PARP8: variants seen among roughly 807,000 people sequenced by gnomAD.
PARP8 encodes the protein poly(ADP-ribose) polymerase family member 8.
Under a neutral mutation model 124.1 loss-of-function variants are expected in PARP8, and 51 were observed. That is an observed-to-expected ratio of 0.41 (90% CI 0.33 to 0.52). The LOEUF (loss-of-function observed/expected upper bound fraction) is 0.52, where lower values mean the gene tolerates loss of function less well. PARP8 is among the 20% of genes least tolerant of loss of function. The pLI, the probability that PARP8 is intolerant of heterozygous loss-of-function variation, is 0.21. For synonymous variants in PARP8, 391 were observed against 361.5 expected (o/e 1.08, Z -0.93); for missense variants, 860 against 1,018.9 (o/e 0.84, Z 2.12).
At chr5:50,734,806 A>G (rs926446453) in intron 2 of PARP8, among the ~76,000 whole-genome samples, 3 of 152,082 alleles carry the variant, frequency 2.0e-5, no homozygotes, top group African/African-American at 7.2e-5. Flanking sequence ...ATTTTTCCTG[A>G]GTATTGGAGT....
At chr5:50,822,200 C>T in intron 16 of PARP8, 135 bp from the exon 17 acceptor site, 3 of 687,898 alleles carry the variant, frequency 4.4e-6, no homozygotes, top group Non-Finnish European at 7.9e-6. Context: ...TTATGTACAC[C>T]AAACAGTCAT....
At chr5:50,823,342 G>A (rs918309547) in intron 17 of PARP8, among the ~76,000 whole-genome samples, 4 of 151,958 alleles carry the variant, frequency 2.6e-5, no homozygotes, top group Non-Finnish European at 4.4e-5. Context: ...TGATTCTTTC[G>A]ATCATCATTT....
At chr5:50,728,450 A>G (rs1479307930) in intron 2 of PARP8, among the ~76,000 whole-genome samples, 1 of 152,100 alleles carries the variant, frequency 6.6e-6, no homozygotes, top group Non-Finnish European at 1.5e-5. Flanking sequence ...TTTTGTCTCT[A>G]TGACATTCAG....
Position 50,843,751 on chromosome 5 carries a change from G to T in PARP8, c.*1683G>T, listed in dbSNP as rs886425533. On this transcript the variant is annotated 3_prime_UTR_variant, in exon 26 of 26. Coordinates refer to ENST00000281631, the MANE Select transcript of PARP8 (RefSeq NM_024615.4). ...ATTTGAAGATTAGTGTGGGACATGA[G>T]GACCTTGCTACTTTTTTGCCAAGAT... 1 of 151,762 alleles carries T rather than the reference G, an allele frequency of 6.6e-6. No homozygotes were observed. Among genetic ancestry groups the T allele is most frequent in the Non-Finnish European group, 1.5e-5 (1 of 67,798 alleles). 9.4% of individuals were successfully genotyped at this position (151,762 alleles called of 1,614,324 possible). A position where few individuals can be genotyped will look rare whatever the true frequency, so the allele number is the denominator to read the frequency against.
chr5:50,780,458 T>C (rs1169801842), intron 9 of PARP8, among the ~76,000 whole-genome samples: 2 of 152,324 alleles, frequency 1.3e-5, no homozygotes, highest in Middle Eastern at 3.4e-3. Context: ...AGCATGCTTT[T>C]ATGTAATCTT....
chr5:50,677,750 C>T (rs191993797), intron 2 of PARP8, among the ~76,000 whole-genome samples: 85 of 152,034 alleles, frequency 5.6e-4, no homozygotes, highest in Admixed American at 4.6e-3. Context: ...AGCTGTAAGT[C>T]GTCAGCAAGT....
chr5:50,667,770 C>G (rs1749508259), intron 1 of PARP8: 4 of 772,764 alleles, frequency 5.2e-6, no homozygotes, highest in Non-Finnish European at 6.6e-6. Flanking sequence ...TTTGCTCCCC[C>G]GGGATTTTGC....
At chr5:50,788,966 G>A (rs971879987) in intron 10 of PARP8, among the ~76,000 whole-genome samples, 10 of 152,122 alleles carry the variant, frequency 6.6e-5, no homozygotes, top group Non-Finnish European at 1.3e-4. Context: ...ATCCTGAGCC[G>A]ACCAGTCCTT....
At chr5:50,736,781 TTC>T (rs1264961694) in intron 2 of PARP8, among the ~76,000 whole-genome samples, 1 of 152,116 alleles carries the variant, frequency 6.6e-6, no homozygotes, top group Non-Finnish European at 1.5e-5. Flanking sequence ...CCTTTAGAAT[TTC>T]TCTCCTGTGA....
intron 2 of PARP8, among the ~76,000 whole-genome samples, chr5:50,670,543 G>A (rs1242046808): frequency 6.6e-6 from 1 of 152,214 alleles, no homozygotes; most frequent in Non-Finnish European, 1.5e-5. Flanking sequence ...AGAGGCGATT[G>A]TGTCCATGCT....
At chr5:50,739,694 A>G (rs1757825830) in intron 2 of PARP8, among the ~76,000 whole-genome samples, 1 of 145,164 alleles carries the variant, frequency 6.9e-6, no homozygotes, top group Non-Finnish European at 1.5e-5. Context: ...GACTTGGAAG[A>G]TCAATGGGTA....
intron 2 of PARP8, among the ~76,000 whole-genome samples, chr5:50,685,703 A>G (rs914551478): frequency 2.0e-5 from 3 of 152,206 alleles, no homozygotes; most frequent in African/African-American, 4.8e-5. Flanking sequence ...TGACTGGGCA[A>G]TTTACAAAAG....
chr5:50,707,079 AAATC>A (rs1379186801), intron 2 of PARP8, among the ~76,000 whole-genome samples: 2 of 152,076 alleles, frequency 1.3e-5, no homozygotes, highest in African/African-American at 2.4e-5. Flanking sequence ...GTAGCTCACT[AAATC>A]AATATGTTCT....
intron 2 of PARP8, among the ~76,000 whole-genome samples, chr5:50,721,337 TAG>T (rs1755859147): frequency 6.6e-6 from 1 of 152,056 alleles, no homozygotes; most frequent in Non-Finnish European, 1.5e-5. Context: ...TCACCCCAGG[TAG>T]AGTTTGTAAT....
intron 2 of PARP8, among the ~76,000 whole-genome samples, chr5:50,674,705 C>T (rs911857738): frequency 1.3e-5 from 2 of 152,184 alleles, no homozygotes; most frequent in African/African-American, 2.4e-5. Context: ...GACCACCCCC[C>T]GCCCACTCAT....
rs773225648 is a variant in PARP8, at chr5:50,761,801, TCTTA to T, written c.346-16_346-13del. 3 of 1,475,802 alleles carry T rather than the reference TCTTA, an allele frequency of 2.0e-6. No individual in the cohort carries two copies. Among genetic ancestry groups the T allele is most frequent in the South Asian group, 1.2e-5 (1 of 80,520 alleles). The allele number at this position is 1,475,802 out of a possible 1,614,324, so 91.4% of individuals were successfully genotyped here. A position where few individuals can be genotyped will look rare whatever the true frequency, so the allele number is the denominator to read the frequency against. On this transcript the variant is annotated splice_polypyrimidine_tract_variant and intron_variant, in intron 5 of 25. Transcript: ENST00000281631. ...AAATAATTTGACCATTAAATTGTTT[TCTTA>T]CTTTATTATTTTAAGGAATCAAGAC...
chr5:50,762,028 T>C (rs1253179463), intron 6 of PARP8, 130 bp downstream of exon 6: 1 of 455,438 alleles, frequency 2.2e-6, no homozygotes, highest in Non-Finnish European at 4.0e-6. Flanking sequence ...CTAGAAAATC[T>C]ATATAATTTA....
intron 2 of PARP8, among the ~76,000 whole-genome samples, chr5:50,690,074 A>G (rs983343184): frequency 6.6e-6 from 1 of 152,222 alleles, no homozygotes; most frequent in African/African-American, 2.4e-5. Context: ...TCTGCAACAT[A>G]GGAAACAAAC....
chr5:50,734,549 A>G lies in PARP8; in HGVS notation c.147-15602A>G, dbSNP rs28711235. Among the ~76,000 whole-genome samples, 1,043 of 152,260 alleles carry G rather than the reference A, an allele frequency of 6.9e-3. 8 individuals are homozygous for G. Among genetic ancestry groups the G allele is most frequent in the East Asian group, 0.039 (203 of 5,186 alleles). On this transcript the variant is annotated intron_variant, in intron 2 of 25. Coordinates refer to ENST00000281631, the MANE Select transcript of PARP8 (RefSeq NM_024615.4). Reference sequence around the variant, plus strand: ...AAACAAATTAATTTGTCAGTAATATATTTACTAGTATATAAAATTGAGTCT... The same window carrying G: ...AAACAAATTAATTTGTCAGTAATATGTTTACTAGTATATAAAATTGAGTCT...
Sources: gnomAD v4.1 joint callset for allele counts (sites outside exome capture counted in the v4.1 genomes callset) on GRCh38, gnomAD v4.1.1 for gene constraint, MANE v1.5 for transcripts, NCBI Gene and HGNC (gene_info 2026-07-23, HGNC 2026-07-21) for gene names.